The following IQCH variants were observed in gnomAD, a reference collection of about 807,000 sequenced individuals.
The protein encoded by IQCH is IQ domain-containing protein H.
A neutral mutation model predicts 117.0 loss-of-function variants in IQCH; 98 were observed. The ratio of observed to expected loss-of-function variants is 0.84; its 90% CI spans 0.71 to 0.99. The LOEUF is 0.99. Ranked by LOEUF, IQCH falls within the 50% of genes least tolerant of loss-of-function variation. The probability of loss-of-function intolerance (pLI) is 0.00; values close to 1 mark genes in which losing one functional copy is unlikely to be tolerated. For missense variants in IQCH, 1,102 were observed against 1,243.8 expected (o/e 0.89, Z 1.72); for synonymous variants, 412 against 448.2 (o/e 0.92, Z 1.02).
At chr15:67,434,767 T>C (rs1239697351) in intron 16 of IQCH, among the ~76,000 whole-genome samples, 1 of 150,136 alleles carries the variant, frequency 6.7e-6, no homozygotes, top group Non-Finnish European at 1.5e-5. Context: ...ACTTATCTTT[T>C]GTCTTTTCTT....
chr15:67,437,643 C>T (rs557791106), intron 16 of IQCH, among the ~76,000 whole-genome samples: 2 of 151,986 alleles, frequency 1.3e-5, no homozygotes, highest in African/African-American at 4.8e-5. Context: ...GCAAGGAAAT[C>T]CAAAAAATGA....
intron 16 of IQCH, among the ~76,000 whole-genome samples, chr15:67,461,041 A>G (rs189591751): frequency 6.6e-6 from 1 of 152,244 alleles, no homozygotes; most frequent in East Asian, 1.9e-4. Context: ...TAGTGCTGAG[A>G]GATTAGATTC....
Position 67,433,819 on chromosome 15 carries a change from A to G in IQCH, c.2505+12242A>G, listed in dbSNP as rs2082068317. Among the ~76,000 whole-genome samples, 1 of 152,230 alleles carries G rather than the reference A, an allele frequency of 6.6e-6. No individual in the cohort carries two copies. Among genetic ancestry groups the G allele is most frequent in the Non-Finnish European group, 1.5e-5 (1 of 68,028 alleles). ...TAAGATTCTTCACCTATGAGCATTT[A>G]TAGCTTGCCCCAGCATCCCAAAACA... On this transcript the variant is annotated intron_variant, in intron 16 of 20. Transcript: ENST00000335894. The surrounding 1 kb of genome is among the most constrained non-coding windows in gnomAD (Gnocchi z 5.4).
chr15:67,459,052 C>A lies in IQCH; in HGVS notation c.2506-6075C>A, dbSNP rs2082727281. Among the ~76,000 whole-genome samples, 1 of 152,174 alleles carries A rather than the reference C, an allele frequency of 6.6e-6. No homozygotes were observed. Among genetic ancestry groups the A allele is most frequent in the Admixed American group, 6.5e-5 (1 of 15,278 alleles). On this transcript the variant is annotated intron_variant, in intron 16 of 20. Transcript: ENST00000335894. This position sits in a 1 kb window ranked among gnomAD's most constrained non-coding sequence, Gnocchi z 4.2. Reference sequence around the variant, plus strand: ...AGGGAGGATTCACCCAGACTACTATCCCCAGTGAGTGATTAGTTAAGGAAA... The same window carrying A: ...AGGGAGGATTCACCCAGACTACTATACCCAGTGAGTGATTAGTTAAGGAAA...
intron 16 of IQCH, among the ~76,000 whole-genome samples, chr15:67,462,520 C>T (rs1423267878): frequency 6.6e-6 from 1 of 151,702 alleles, no homozygotes; most frequent in East Asian, 1.9e-4. Flanking sequence ...GCTCCTTTTA[C>T]ACTTAAGGAT....
At chr15:67,440,419 A>G (rs1360580808) in intron 16 of IQCH, among the ~76,000 whole-genome samples, 1 of 152,216 alleles carries the variant, frequency 6.6e-6, no homozygotes, top group Non-Finnish European at 1.5e-5. Flanking sequence ...CAACCAAAAA[A>G]GAAAACTACA....
At chr15:67,298,445 C>G (rs937713681) in intron 4 of IQCH, among the ~76,000 whole-genome samples, 4 of 152,042 alleles carry the variant, frequency 2.6e-5, no homozygotes, top group African/African-American at 7.2e-5. Flanking sequence ...ACTAAAATGA[C>G]TTTTATCTAA....
Position 67,404,696 on chromosome 15 carries a change from T to C in IQCH, c.2097+4391T>C, listed in dbSNP as rs1567160510. ...GTTTATACATAGTCGTCACAATTATTAGATGCATAATATTCTCTCATATTG... is the reference window on the plus strand; with the variant it reads ...GTTTATACATAGTCGTCACAATTATCAGATGCATAATATTCTCTCATATTG... On this transcript the variant is annotated intron_variant, in intron 14 of 20. Coordinates refer to ENST00000335894, the MANE Select transcript of IQCH (RefSeq NM_001031715.3). The surrounding 1 kb of genome is among the most constrained non-coding windows in gnomAD (Gnocchi z 4.6). 1 of 152,236 alleles carries C rather than the reference T, an allele frequency of 6.6e-6. No individual in the cohort carries two copies. Among genetic ancestry groups the C allele is most frequent in the South Asian group, 2.1e-4 (1 of 4,836 alleles). 9.4% of individuals were successfully genotyped at this position (152,236 alleles called of 1,614,324 possible).
Position 67,365,855 on chromosome 15 carries a change from G to A in IQCH, c.753+5970G>A, listed in dbSNP as rs1970313362. On this transcript the variant is annotated intron_variant, in intron 8 of 20. Coordinates refer to ENST00000335894, the MANE Select transcript of IQCH (RefSeq NM_001031715.3). This position sits in a 1 kb window ranked among gnomAD's most constrained non-coding sequence, Gnocchi z 4.4. ...TGAGGCAGGAGAATCACTTGAACCT[G>A]GGAGGTGGAGGTTGCAGTGAGCTGA... 6.6e-6 allele frequency among the ~76,000 whole-genome samples: 1 copy of A among 152,128 alleles called. No homozygotes were observed. The highest frequency in any genetic ancestry group is 2.4e-5 in the African/African-American group (1 of 41,422).
Position 67,422,949 on chromosome 15 carries a change from CTTTGGTT to C in IQCH, c.2505+1373_2505+1379del, listed in dbSNP as rs2081787247. ...TCTGGTCATCCGCATTGTACATATA[CTTTGGTT>C]GTTTTAGGATCATTATTCTCAGTTT... On this transcript the variant is annotated intron_variant, in intron 16 of 20. Coordinates refer to ENST00000335894, the MANE Select transcript of IQCH (RefSeq NM_001031715.3). The surrounding 1 kb of genome is among the most constrained non-coding windows in gnomAD (Gnocchi z 4.7). Among the ~76,000 whole-genome samples, 1 of 152,206 alleles carries C rather than the reference CTTTGGTT, an allele frequency of 6.6e-6. No individual in the cohort carries two copies. Among genetic ancestry groups the C allele is most frequent in the Non-Finnish European group, 1.5e-5 (1 of 68,042 alleles).
At chr15:67,301,584 A>G (rs1374369327) in intron 4 of IQCH, among the ~76,000 whole-genome samples, 7 of 151,426 alleles carry the variant, frequency 4.6e-5, no homozygotes, top group African/African-American at 9.7e-5. Context: ...TAATTTTTGT[A>G]TTTTTAGTAG....
intron 16 of IQCH, among the ~76,000 whole-genome samples, chr15:67,440,768 T>C (rs1313563070): frequency 6.6e-6 from 1 of 152,148 alleles, no homozygotes; most frequent in East Asian, 1.9e-4. Flanking sequence ...TAATACTGAA[T>C]GGGGAAAAGT....
rs535080864 is a variant in IQCH at position 67,385,120 on chromosome 15, C to T, written c.1456+101C>T. 3.5e-4 allele frequency: 250 copies of T among 708,604 alleles called. 5 individuals are homozygous for T. In the South Asian group the frequency reaches 4.7e-3, roughly 13 times the overall value. The allele number at this position is 708,604 out of a possible 1,614,324, so 43.9% of individuals were successfully genotyped here. A position where few individuals can be genotyped will look rare whatever the true frequency, so the allele number is the denominator to read the frequency against. ...TTGTTTGTTTTTTGCTTATTTTTTTCCTCTACAAGGAAAAAGCTCAGATGT... is the reference window on the plus strand; with the variant it reads ...TTGTTTGTTTTTTGCTTATTTTTTTTCTCTACAAGGAAAAAGCTCAGATGT... On this transcript the variant is annotated intron_variant, in intron 11 of 20. Transcript: ENST00000335894. The surrounding 1 kb of genome is among the most constrained non-coding windows in gnomAD (Gnocchi z 4.6).
At chr15:67,255,785 C>T (rs1965151192) in intron 1 of IQCH, among the ~76,000 whole-genome samples, 2 of 152,190 alleles carry the variant, frequency 1.3e-5, no homozygotes, top group African/African-American at 4.8e-5. Context: ...TCTTACCTCC[C>T]ATCTAGGAGA....
intron 3 of IQCH, among the ~76,000 whole-genome samples, chr15:67,270,087 G>A (rs1965841058): frequency 6.6e-6 from 1 of 152,074 alleles, no homozygotes; most frequent in Non-Finnish European, 1.5e-5. Flanking sequence ...GGTATACTTT[G>A]CTGAATTCAT....
intron 4 of IQCH, among the ~76,000 whole-genome samples, chr15:67,287,167 GT>G (rs1226336449): frequency 6.6e-6 from 1 of 152,120 alleles, no homozygotes; most frequent in Non-Finnish European, 1.5e-5. Context: ...GTTGAATTCA[GT>G]TTGCTAATTT....
intron 4 of IQCH, among the ~76,000 whole-genome samples, chr15:67,283,297 A>G (rs117423782): frequency 0.036 from 5,497 of 152,226 alleles, 178 homozygotes; most frequent in South Asian, 0.072. Context: ...CCTTTGTAAT[A>G]ATGTATATAC....
At position 67,366,212 on chromosome 15, in the gene IQCH, A is replaced by G. The variant is rs1378621708; in HGVS notation, c.754-5899A>G. ...TCCCATCCTGTCAGGCTTCCTGTCC[A>G]CATCCCCAGCAGGTTCAACCCATCC... is the stretch of plus-strand genomic sequence containing the variant. On this transcript the variant is annotated intron_variant, in intron 8 of 20. Coordinates refer to ENST00000335894, the MANE Select transcript of IQCH (RefSeq NM_001031715.3). This position sits in a 1 kb window ranked among gnomAD's most constrained non-coding sequence, Gnocchi z 4.4. Among the ~76,000 whole-genome samples the G allele has an allele frequency of 6.6e-6, 1 of 152,180 alleles. No homozygotes were observed. The highest frequency in any genetic ancestry group is 1.9e-4 in the East Asian group (1 of 5,194).
At position 67,376,733 on chromosome 15, in the gene IQCH, T is replaced by C. The variant is rs1009269909; in HGVS notation, c.1372+3300T>C. ...AAAGGATGGCCTTTCAGTAATGTTT[T>C]TGACCACAAAATATTTATAAAGTAT... On this transcript the variant is annotated intron_variant, in intron 10 of 20. Coordinates refer to ENST00000335894, the MANE Select transcript of IQCH (RefSeq NM_001031715.3). This position sits in a 1 kb window ranked among gnomAD's most constrained non-coding sequence, Gnocchi z 5.0. 1.3e-5 allele frequency among the ~76,000 whole-genome samples: 2 copies of C among 152,216 alleles called. No homozygotes were observed. The highest frequency in any genetic ancestry group is 4.8e-5 in the African/African-American group (2 of 41,458).
Sources: gnomAD v4.1 joint callset for allele counts (sites outside exome capture counted in the v4.1 genomes callset) on GRCh38, gnomAD v4.1.1 for gene constraint, Gnocchi (gnomAD v3.1) non-coding constraint, MANE v1.5 for transcripts, NCBI Gene and HGNC (gene_info 2026-07-23, HGNC 2026-07-21) for gene names.